Variants in CLEC7A observed in about 807,000 individuals in gnomAD.
CLEC7A encodes the protein C-type lectin domain family 7 member A.
CLEC7A carries 25 observed loss-of-function variants against 26.9 expected under a neutral mutation model. That is an observed-to-expected ratio of 0.93 (90% CI 0.68 to 1.30). CLEC7A has a LOEUF of 1.30. Ranked by LOEUF, CLEC7A falls within the 50% of genes most tolerant of loss-of-function variation. The pLI, the probability that CLEC7A is intolerant of heterozygous loss-of-function variation, is 0.00. For missense variants in CLEC7A, 275 were observed against 286.7 expected, an observed-to-expected ratio of 0.96 and a Z score of 0.29; for synonymous variants, 100 against 99.5, an observed-to-expected ratio of 1.01 and a Z score of -0.03.
intron 5 of CLEC7A, 69 bp from the exon 6 acceptor site, chr12:10,118,659 A>G: frequency 7.6e-7 from 1 of 1,317,722 alleles, no homozygotes; most frequent in Non-Finnish European, 1.1e-6. Context: ...TGGCGCACAA[A>G]TAAATTAGTA....
At chr12:10,126,207 T>C (rs1169712933) in intron 3 of CLEC7A, 1 of 984,200 alleles carries the variant, frequency 1.0e-6, no homozygotes. Flanking sequence ...TATTTCCTAT[T>C]CTAACTGTAT....
chr12:10,123,394 A>C, intron 4 of CLEC7A, 31 bp from the exon 5 acceptor site: 2 of 1,081,950 alleles, frequency 1.8e-6, no homozygotes, highest in South Asian at 1.3e-5. Context: ...ATATATAATA[A>C]AGAGAGAGAG....
chr12:10,119,483 A>G (rs1242773321), intron 5 of CLEC7A, among the ~76,000 whole-genome samples: 1 of 152,234 alleles, frequency 6.6e-6, no homozygotes, highest in East Asian at 1.9e-4. Flanking sequence ...AAAAGTAGTA[A>G]CATATCAAAA....
rs889494581 is a variant in CLEC7A, at chr12:10,127,971, G to A, written c.104-126C>T. ...GGCTCACACCTGTAATCCCAGAAGG[G>A]AGACTGAGGTAGGAGGATTGCTTGA... On this transcript the variant is annotated intron_variant, in intron 1 of 5. Coordinates refer to ENST00000304084, the MANE Select transcript of CLEC7A (RefSeq NM_197947.3). 3 of 654,000 alleles carry A rather than the reference G, an allele frequency of 4.6e-6. No individual in the cohort carries two copies. The East Asian group carries it at 8.2e-5, about 18-fold the overall frequency. 40.5% of individuals were successfully genotyped at this position (654,000 alleles called of 1,614,324 possible). A position where few individuals can be genotyped will look rare whatever the true frequency, so the allele number is the denominator to read the frequency against.
rs546062235 is a variant in CLEC7A, at chr12:10,128,916, C to G, written c.103+1064G>C. ...TCTGGTGTCAAAACCGACAAATGAT[C>G]TCTCTCTCTCAAAGATAATAGGGAA... On this transcript the variant is annotated intron_variant, in intron 1 of 5. Coordinates refer to ENST00000304084, the MANE Select transcript of CLEC7A (RefSeq NM_197947.3). Among the ~76,000 whole-genome samples the G allele has an allele frequency of 9.9e-5, 15 of 152,236 alleles. No homozygotes were observed. In the East Asian group the frequency reaches 2.7e-3, roughly 27 times the overall value.
chr12:10,128,253 A>AC (rs1565410133), intron 1 of CLEC7A, among the ~76,000 whole-genome samples: 5 of 139,448 alleles, frequency 3.6e-5, no homozygotes, highest in African/African-American at 1.5e-4. Flanking sequence ...CACACCACCA[A>AC]CAACAACAAC....
intron 5 of CLEC7A, among the ~76,000 whole-genome samples, chr12:10,119,775 T>C (rs1948019177): frequency 6.6e-6 from 1 of 151,724 alleles, no homozygotes; most frequent in Non-Finnish European, 1.5e-5. Context: ...AGATAAAATG[T>C]TAACAACACT....
chr12:10,127,377 T>C (rs748135115), intron 2 of CLEC7A: 8 of 1,608,324 alleles, frequency 5.0e-6, no homozygotes, highest in Non-Finnish European at 6.8e-6. Context: ...ATATTGTACT[T>C]TCTTCTTCAG....
At chr12:10,125,255 G>A (rs1267026719) in intron 4 of CLEC7A, 42 bp downstream of exon 4, 10 of 1,566,748 alleles carry the variant, frequency 6.4e-6, no homozygotes, top group Admixed American at 1.7e-5. Flanking sequence ...TCTTCCTTCA[G>A]GATACACACC....
chr12:10,125,798 C>A (rs1340972117), intron 3 of CLEC7A, among the ~76,000 whole-genome samples: 1 of 152,120 alleles, frequency 6.6e-6, no homozygotes, highest in Non-Finnish European at 1.5e-5. Context: ...AGGTACACAG[C>A]AATTTCATAT....
intron 3 of CLEC7A, chr12:10,126,258 T>C: frequency 1.0e-6 from 1 of 980,892 alleles, no homozygotes; most frequent in Middle Eastern, 5.2e-4. Flanking sequence ...GAGAACACTT[T>C]TCTTTTATTT....
chr12:10,126,351 C>T, intron 3 of CLEC7A: 2 of 981,330 alleles, frequency 2.0e-6, no homozygotes, highest in Non-Finnish European at 2.4e-6. Context: ...TAATAAAGTC[C>T]AATTTAGAAC....
chr12:10,125,003 C>A, intron 4 of CLEC7A: 1 of 336,986 alleles, frequency 3.0e-6, no homozygotes, highest in South Asian at 2.9e-5. Flanking sequence ...TTGAGACCAG[C>A]CCAGATGATA....
rs1948443380 is a variant in CLEC7A at position 10,130,122 on chromosome 12, C to G, written c.-40G>C. On this transcript the variant is annotated 5_prime_UTR_variant, in exon 1 of 6. Transcript: ENST00000304084. ...CCTGAATAGATATAGCATTTGGGAG[C>G]TCTTTTCTTTCTGCTCCTGAGATGA... 9.9e-7 allele frequency: 1 copy of G among 1,008,150 alleles called. No homozygotes were observed. Among genetic ancestry groups the G allele is most frequent in the Non-Finnish European group, 1.5e-6 (1 of 645,362 alleles). The allele number at this position is 1,008,150 out of a possible 1,614,324, so 62.5% of individuals were successfully genotyped here.
Position 10,127,767 on chromosome 12 carries a change from G to A in CLEC7A, c.182C>T (p.Ala61Val), listed in dbSNP as rs1346420581. Reference protein sequence around the residue: ...GILCLVILVIAVVLGTMAIWR... With the variant: ...GILCLVILVIVVVLGTMAIWR... ...CTCACCCATGGTACCCAGGACCACA[G>A]CTATCACCAGTATTACCAAGCATAG... Residue 61 changes from alanine to valine, a missense_variant, in exon 2 of 6, where the codon GCT becomes GTT. By Grantham distance (64) the Ala-to-Val change is moderately conservative. Coordinates refer to ENST00000304084, the MANE Select transcript of CLEC7A (RefSeq NM_197947.3). 2 of 1,590,324 alleles carry A rather than the reference G, an allele frequency of 1.3e-6. No individual in the cohort carries two copies. The highest frequency in any genetic ancestry group is 2.3e-5 in the East Asian group (1 of 44,378).
chr12:10,119,803 A>G (rs528169440), intron 5 of CLEC7A, among the ~76,000 whole-genome samples: 2 of 152,180 alleles, frequency 1.3e-5, no homozygotes, highest in African/African-American at 2.4e-5. Flanking sequence ...GCAATCTGAC[A>G]TAAGAGAAAA....
In CLEC7A at chr12:10,125,290, C is replaced by T. The variant is rs780102364; in HGVS notation, c.492+7G>A. On this transcript the variant is annotated splice_region_variant and intron_variant, in intron 4 of 5. Transcript: ENST00000304084. ...CACAGATAATCATAACAGAAGTCTA[C>T]ACTTACCAATTCATTTGAGCTGTCT... 1.2e-6 allele frequency: 2 copies of T among 1,610,046 alleles called. No individual in the cohort carries two copies. The highest frequency in any genetic ancestry group is 1.7e-6 in the Non-Finnish European group (2 of 1,177,612).
chr12:10,124,030 T>G (rs73262346), intron 4 of CLEC7A, among the ~76,000 whole-genome samples: 2,051 of 124,186 alleles, frequency 0.017, 47 homozygotes, highest in African/African-American at 0.048. Context: ...AGAAATAAAT[T>G]GACGCTACTT....
At chr12:10,119,591 G>C (rs78428410) in intron 5 of CLEC7A, among the ~76,000 whole-genome samples, 5,918 of 152,174 alleles carry the variant, frequency 0.039, 387 homozygotes, top group African/African-American at 0.13. Flanking sequence ...CTATAAGAAA[G>C]TAGAAAATAC....
Sources: allele counts gnomAD v4.1 joint callset (sites outside exome capture counted in the v4.1 genomes callset), GRCh38; gene constraint gnomAD v4.1.1; transcripts MANE v1.5; gene names NCBI Gene and HGNC (gene_info 2026-07-23, HGNC 2026-07-21).